NOD1: variants seen among roughly 807,000 people sequenced by gnomAD.
NOD1 encodes the protein nucleotide-binding oligomerization domain-containing protein 1.
Under a neutral mutation model 81.2 loss-of-function variants are expected in NOD1, and 70 were observed. The observed-to-expected ratio is 0.86, with a 90% confidence interval of 0.71 to 1.05. The LOEUF (loss-of-function observed/expected upper bound fraction) is 1.05, where lower values mean the gene tolerates loss of function less well. Among genes scored for constraint, NOD1 ranks in the 50% least tolerant of loss-of-function variants. The pLI is 0.00. For missense variants in NOD1, 1,233 were observed against 1,228.0 expected, an observed-to-expected ratio of 1.00 and a Z score of -0.06; for synonymous variants, 508 against 526.9, an observed-to-expected ratio of 0.96 and a Z score of 0.49.
chr7:30,436,134 C>T, intron 10 of NOD1, 53 bp from the exon 11 acceptor site: 1 of 1,406,962 alleles, frequency 7.1e-7, no homozygotes, highest in Non-Finnish European at 1.0e-6. Flanking sequence ...TACATTCAAT[C>T]TTAGCTTCAA....
chr7:30,463,571 C>A (rs1558066), intron 1 of NOD1: 23,597 of 152,588 alleles, frequency 0.15, 2,088 homozygotes, highest in Admixed American at 0.23. Context: ...TCCCTGAATC[C>A]TGGGGTGGCC....
intron 1 of NOD1, chr7:30,460,251 G>C: frequency 1.0e-6 from 1 of 985,452 alleles, no homozygotes; most frequent in Non-Finnish European, 1.2e-6. Flanking sequence ...CATACCATGG[G>C]AGACTGGAGA....
chr7:30,435,934 G>C, intron 11 of NOD1, 64 bp downstream of exon 11: 1 of 1,377,004 alleles, frequency 7.3e-7, no homozygotes, highest in Non-Finnish European at 1.0e-6. Flanking sequence ...CTCAAGCCTG[G>C]ACGACAAAGC....
chr7:30,433,811 TAAAA>T (rs576916441), intron 11 of NOD1, among the ~76,000 whole-genome samples: 1 of 148,714 alleles, frequency 6.7e-6, no homozygotes, highest in African/African-American at 2.5e-5. Flanking sequence ...AAAGAACATT[TAAAA>T]AAAAAAATTC....
intron 9 of NOD1, among the ~76,000 whole-genome samples, chr7:30,445,580 G>A (rs1784966898): frequency 6.6e-6 from 1 of 151,558 alleles, no homozygotes; most frequent in African/African-American, 2.4e-5. Context: ...CCAACATGGT[G>A]AAACCCCGCC....
At chr7:30,471,867 G>A (rs1788309425) in intron 1 of NOD1, among the ~76,000 whole-genome samples, 1 of 152,168 alleles carries the variant, frequency 6.6e-6, no homozygotes, top group African/African-American at 2.4e-5. Flanking sequence ...TGCCTAGGAG[G>A]CCCATATGCA....
chr7:30,426,260 C>G (rs763464080), intron 13 of NOD1, among the ~76,000 whole-genome samples: 3 of 152,088 alleles, frequency 2.0e-5, no homozygotes, highest in Non-Finnish European at 2.9e-5. Context: ...ACCTCTCCCC[C>G]ACACCTCAAA....
rs1184171786 is a variant in NOD1, at chr7:30,467,863, G to A, written c.-351-7822C>T. Among the ~76,000 whole-genome samples the A allele has an allele frequency of 1.3e-5, 2 of 151,918 alleles. No homozygotes were observed. The highest frequency in any genetic ancestry group is 2.4e-5 in the African/African-American group (1 of 41,342). On this transcript the variant is annotated intron_variant, in intron 1 of 13. Coordinates refer to ENST00000222823, the MANE Select transcript of NOD1 (RefSeq NM_006092.4). The surrounding 1 kb of genome is among the most constrained non-coding windows in gnomAD (Gnocchi z 4.5). ...ATTACAGGCACCTGCCACCACACCC[G>A]GCTAATTTTTGTATTTTTAGTAGAG...
chr7:30,438,227 T>G (rs1583688228), intron 9 of NOD1, among the ~76,000 whole-genome samples: 1 of 152,064 alleles, frequency 6.6e-6, no homozygotes, highest in East Asian at 1.9e-4. Flanking sequence ...GGTGGACAGG[T>G]GCGGCGATAA....
chr7:30,445,254 A>C (rs1467202022), intron 9 of NOD1, among the ~76,000 whole-genome samples: 1 of 126,848 alleles, frequency 7.9e-6, no homozygotes, highest in Non-Finnish European at 1.6e-5. Context: ...TAAAACTTAG[A>C]GTATAATAAA....
In NOD1 at chr7:30,478,373, G is replaced by A. The variant is rs982197143; in HGVS notation, c.-352+233C>T. ...TGCTGGCACGATTGAGAACCCCTGC[G>A]TTCGACCACAGTGGGATAAACGATT... On this transcript the variant is annotated intron_variant, in intron 1 of 13. Transcript: ENST00000222823. This position sits in a 1 kb window ranked among gnomAD's most constrained non-coding sequence, Gnocchi z 4.1. 2.6e-5 allele frequency among the ~76,000 whole-genome samples: 4 copies of A among 152,272 alleles called. No individual in the cohort carries two copies. The highest frequency in any genetic ancestry group is 4.8e-5 in the African/African-American group (2 of 41,554).
At chr7:30,460,487 G>A in intron 1 of NOD1, 1 of 985,420 alleles carries the variant, frequency 1.0e-6, no homozygotes, top group Non-Finnish European at 1.2e-6. Context: ...CAGGCCAGTG[G>A]TGCAGACCAA....
chr7:30,465,343 G>A (rs1310487085), intron 1 of NOD1, among the ~76,000 whole-genome samples: 1 of 151,422 alleles, frequency 6.6e-6, no homozygotes, highest in Non-Finnish European at 1.5e-5. Context: ...CTTATTTTGT[G>A]TATCTTTATA....
chr7:30,473,228 A>C (rs1282252291), intron 1 of NOD1, among the ~76,000 whole-genome samples: 1 of 152,222 alleles, frequency 6.6e-6, no homozygotes, highest in African/African-American at 2.4e-5. Flanking sequence ...CTCAGGGAAG[A>C]TTGCCAGAAC....
chr7:30,429,625 G>A (rs1408651762), intron 12 of NOD1, among the ~76,000 whole-genome samples, 168 bp from the exon 13 acceptor site: 1 of 152,240 alleles, frequency 6.6e-6, no homozygotes, highest in Non-Finnish European at 1.5e-5. Context: ...AGATCCACTA[G>A]AGTAAAGGAT....
chr7:30,446,186 T>TAC lies in NOD1; in HGVS notation c.2406_2407dup (p.Tyr803CysfsTer7). ...GCTGTTCTTCACAGCCAGGGCGAGA[T>TAC]ACTTCCCTCCTTCACTTGTTATTTT... On this transcript the variant is annotated frameshift_variant, in exon 9 of 14. Coordinates refer to ENST00000222823, the MANE Select transcript of NOD1 (RefSeq NM_006092.4). LOFTEE classifies it high-confidence loss of function. The TAC allele has an allele frequency of 1.2e-6, 2 of 1,614,038 alleles. No individual in the cohort carries two copies. Among genetic ancestry groups the TAC allele is most frequent in the Non-Finnish European group, 1.7e-6 (2 of 1,179,944 alleles).
intron 13 of NOD1, 149 bp downstream of exon 13, chr7:30,429,225 T>C: frequency 1.4e-6 from 1 of 721,816 alleles, no homozygotes; most frequent in Non-Finnish European, 2.5e-6. Context: ...TGGGCCTCTG[T>C]CTACCTCTGT....
intron 12 of NOD1, among the ~76,000 whole-genome samples, chr7:30,432,192 G>T (rs891266138): frequency 6.6e-6 from 1 of 151,990 alleles, no homozygotes; most frequent in East Asian, 1.9e-4. Context: ...GAAAATACTT[G>T]CAAAACCTGT....
At chr7:30,475,622 G>A (rs1005617127) in intron 1 of NOD1, among the ~76,000 whole-genome samples, 4 of 152,180 alleles carry the variant, frequency 2.6e-5, no homozygotes, top group Non-Finnish European at 4.4e-5. Flanking sequence ...CATCATCCCC[G>A]GTTGGCTCAA....
Sources: gnomAD v4.1 joint callset for allele counts (sites outside exome capture counted in the v4.1 genomes callset) on GRCh38, gnomAD v4.1.1 for gene constraint, Gnocchi (gnomAD v3.1) non-coding constraint, MANE v1.5 for transcripts, NCBI Gene and HGNC (gene_info 2026-07-23, HGNC 2026-07-21) for gene names.